The following KYNU variants were observed in gnomAD, a reference collection of about 807,000 sequenced individuals.
The protein encoded by KYNU is kynureninase.
KYNU carries 54 observed loss-of-function variants against 59.2 expected under a neutral mutation model. The observed-to-expected ratio is 0.91, with a 90% CI of 0.73 to 1.14. KYNU has a LOEUF of 1.14. Among genes scored for constraint, KYNU ranks in the 50% most tolerant of loss-of-function variants. The pLI is 0.00. For missense variants in KYNU, 567 were observed against 554.4 expected (o/e 1.02, Z -0.23); for synonymous variants, 177 against 192.0 (o/e 0.92, Z 0.65).
chr2:143,019,263 T>C (rs906293302), intron 10 of KYNU, among the ~76,000 whole-genome samples: 8 of 152,192 alleles, frequency 5.3e-5, no homozygotes, highest in Non-Finnish European at 1.5e-5. Context: ...TGATGTAAGC[T>C]GTGGGTTTGT....
intron 2 of KYNU, among the ~76,000 whole-genome samples, chr2:142,887,523 C>T (rs1681557986): frequency 6.6e-6 from 1 of 152,258 alleles, no homozygotes; most frequent in African/African-American, 2.4e-5. Context: ...TAGCATTATT[C>T]ATAATAGCCA....
intron 4 of KYNU, among the ~76,000 whole-genome samples, chr2:142,931,433 G>A (rs989820248): frequency 1.6e-4 from 24 of 152,156 alleles, no homozygotes; most frequent in Admixed American, 9.2e-4. Flanking sequence ...CTGGAAACGC[G>A]TCTGTGCCTG....
At chr2:143,014,139 TG>T (rs886702032) in intron 10 of KYNU, among the ~76,000 whole-genome samples, 2 of 152,254 alleles carry the variant, frequency 1.3e-5, no homozygotes. Context: ...GGCACCAATT[TG>T]GGGCATGAAG....
chr2:142,966,893 G>A (rs1163736362), intron 8 of KYNU, among the ~76,000 whole-genome samples: 3 of 151,610 alleles, frequency 2.0e-5, no homozygotes, highest in Non-Finnish European at 4.4e-5. Context: ...AAGAAATAAT[G>A]AAGAAATGAG....
intron 8 of KYNU, among the ~76,000 whole-genome samples, chr2:142,969,671 C>G (rs977526082): frequency 1.3e-5 from 2 of 152,196 alleles, no homozygotes; most frequent in East Asian, 3.8e-4. Context: ...TATAGGATTA[C>G]AGATCTGGGA....
At chr2:142,946,069 G>T (rs548218401) in intron 4 of KYNU, among the ~76,000 whole-genome samples, 1 of 151,452 alleles carries the variant, frequency 6.6e-6, no homozygotes, top group Admixed American at 6.6e-5. Context: ...TTTAATTTTT[G>T]TATTTTGTTT....
intron 10 of KYNU, among the ~76,000 whole-genome samples, chr2:142,997,047 C>T (rs1278270201): frequency 2.6e-5 from 4 of 152,162 alleles, no homozygotes; most frequent in Non-Finnish European, 4.4e-5. Flanking sequence ...GTAATAAGTG[C>T]ATGCAGTAAA....
At chr2:142,995,516 C>A (rs558276825) in intron 10 of KYNU, among the ~76,000 whole-genome samples, 25 of 152,138 alleles carry the variant, frequency 1.6e-4, no homozygotes, top group African/African-American at 5.8e-4. Flanking sequence ...CAAAGCAGAA[C>A]AATTGTGATT....
At chr2:142,983,529 G>T (rs542835142) in intron 8 of KYNU, among the ~76,000 whole-genome samples, 3 of 152,106 alleles carry the variant, frequency 2.0e-5, no homozygotes, top group African/African-American at 7.2e-5. Flanking sequence ...TACTTGAACT[G>T]ATTAAATATG....
chr2:143,033,115 C>T (rs549592373), intron 11 of KYNU, 121 bp from the exon 12 acceptor site: 3 of 781,332 alleles, frequency 3.8e-6, no homozygotes, highest in Non-Finnish European at 6.8e-6. Flanking sequence ...TTAAATATCT[C>T]AGAAATCCTA....
intron 2 of KYNU, among the ~76,000 whole-genome samples, chr2:142,908,683 T>A (rs1573776315): frequency 6.6e-6 from 1 of 152,098 alleles, no homozygotes; most frequent in Non-Finnish European, 1.5e-5. Flanking sequence ...TGCCCAGGCT[T>A]GAGTGCAGTG....
intron 10 of KYNU, among the ~76,000 whole-genome samples, chr2:142,987,100 C>A (rs1685227576): frequency 6.6e-6 from 1 of 151,666 alleles, no homozygotes; most frequent in Non-Finnish European, 1.5e-5. Flanking sequence ...ATTAGATTTC[C>A]CTCCATGTAT....
At chr2:143,007,701 C>T (rs1400957278) in intron 10 of KYNU, among the ~76,000 whole-genome samples, 2 of 120,724 alleles carry the variant, frequency 1.7e-5, no homozygotes, top group South Asian at 2.9e-4. Flanking sequence ...AGACTAACAG[C>T]GGATCTCTCG....
At chr2:142,936,353 A>G (rs1683389930) in intron 4 of KYNU, among the ~76,000 whole-genome samples, 1 of 152,074 alleles carries the variant, frequency 6.6e-6, no homozygotes, top group African/African-American at 2.4e-5. Flanking sequence ...GCTATATTGT[A>G]AAAAAAGACG....
At chr2:142,965,620 C>T (rs1684502248) in intron 8 of KYNU, among the ~76,000 whole-genome samples, 1 of 152,100 alleles carries the variant, frequency 6.6e-6, no homozygotes, top group South Asian at 2.1e-4. Context: ...AGCAGCAGGG[C>T]AGCTTCATCT....
Position 142,919,680 on chromosome 2 carries a change from T to C in KYNU, c.290+951T>C, listed in dbSNP as rs150438156. On this transcript the variant is annotated intron_variant, in intron 3 of 13. Coordinates refer to ENST00000264170, the MANE Select transcript of KYNU (RefSeq NM_003937.3). ...CAGTCACAATGGCTCATGCCTGTAA[T>C]TGCAGCACTTTGGGAGGCAGAGGTG... is the stretch of plus-strand genomic sequence containing the variant. Among the ~76,000 whole-genome samples the C allele has an allele frequency of 4.1e-3, 623 of 152,350 alleles. 9 individuals carry two copies. Among genetic ancestry groups the C allele is most frequent in the Middle Eastern group, 0.031 (9 of 294 alleles).
chr2:142,918,813 A>T, intron 3 of KYNU, 84 bp downstream of exon 3: 1 of 1,449,058 alleles, frequency 6.9e-7, no homozygotes, highest in Non-Finnish European at 9.6e-7. Flanking sequence ...ATTTGGAAAG[A>T]TGTGTAATAG....
Position 143,045,119 on chromosome 2 carries a change from G to A in KYNU, c.*2947G>A, listed in dbSNP as rs572571025. On this transcript the variant is annotated 3_prime_UTR_variant, in exon 14 of 14. Transcript: ENST00000264170. Reference sequence around the variant, plus strand: ...TTTCCCCATTGCTTGTTTTTGTCAGGTTTATCAAAGATCAGATGGTTGTAA... The same window carrying A: ...TTTCCCCATTGCTTGTTTTTGTCAGATTTATCAAAGATCAGATGGTTGTAA... 1.3e-5 allele frequency: 2 copies of A among 152,008 alleles called. No individual in the cohort carries two copies. The highest frequency in any genetic ancestry group is 4.8e-5 in the African/African-American group (2 of 41,420). The allele number at this position is 152,008 out of a possible 1,614,324, so 9.4% of individuals were successfully genotyped here.
At chr2:143,018,947 A>T (rs1176763565) in intron 10 of KYNU, among the ~76,000 whole-genome samples, 2 of 151,966 alleles carry the variant, frequency 1.3e-5, no homozygotes, top group Non-Finnish European at 2.9e-5. Flanking sequence ...ATTGTTATTG[A>T]TGTATAGAAG....
Sources: gnomAD v4.1 joint callset for allele counts (sites outside exome capture counted in the v4.1 genomes callset) on GRCh38, gnomAD v4.1.1 for gene constraint, MANE v1.5 for transcripts, NCBI Gene and HGNC (gene_info 2026-07-23, HGNC 2026-07-21) for gene names.